The following PCDHA12 variants were observed in gnomAD, a reference collection of about 807,000 sequenced individuals.
PCDHA12 encodes the protein protocadherin alpha 12.
Under a neutral mutation model 60.0 loss-of-function variants are expected in PCDHA12, and 44 were observed. The observed-to-expected ratio is 0.73, with a 90% confidence interval of 0.58 to 0.94. The LOEUF (loss-of-function observed/expected upper bound fraction) is 0.94. Ranked by LOEUF, PCDHA12 falls within the 40% of genes least tolerant of loss-of-function variation. The pLI, the probability that PCDHA12 is intolerant of heterozygous loss-of-function variation, is 0.00. For missense variants in PCDHA12, 1,276 were observed against 1,239.7 expected (o/e 1.03, Z -0.44); for synonymous variants, 569 against 553.0 (o/e 1.03, Z -0.40).
intron 1 of PCDHA12, chr5:140,884,253 C>T (rs1356283866): frequency 6.2e-7 from 1 of 1,613,418 alleles, no homozygotes; most frequent in East Asian, 2.2e-5. Context: ...CTGACGGCCA[C>T]GGCAACGGTG....
chr5:141,004,500 T>C (rs1481568200), intron 3 of PCDHA12, among the ~76,000 whole-genome samples: 1 of 152,242 alleles, frequency 6.6e-6, no homozygotes, highest in Non-Finnish European at 1.5e-5. Context: ...GCAGTCCTGC[T>C]GTGAGGGGCT....
At chr5:140,967,790 C>T in intron 1 of PCDHA12, 1 of 1,614,188 alleles carries the variant, frequency 6.2e-7, no homozygotes, top group Non-Finnish European at 8.5e-7. Flanking sequence ...TGACCGGGGT[C>T]CAGTGCCCAT....
chr5:140,911,420 C>T (rs1411930717), intron 1 of PCDHA12, among the ~76,000 whole-genome samples: 1 of 152,134 alleles, frequency 6.6e-6, no homozygotes, highest in Non-Finnish European at 1.5e-5. Context: ...ATGATAAGAA[C>T]TTGTGTCCAA....
chr5:140,941,820 C>T (rs2093176252), intron 1 of PCDHA12, among the ~76,000 whole-genome samples: 1 of 152,160 alleles, frequency 6.6e-6, no homozygotes, highest in Non-Finnish European at 1.5e-5. Flanking sequence ...AGGATGACTG[C>T]TGTAAATAAT....
intron 1 of PCDHA12, among the ~76,000 whole-genome samples, chr5:140,947,415 G>C (rs116670354): frequency 0.021 from 3,167 of 151,674 alleles, 64 homozygotes; most frequent in Admixed American, 0.045. Flanking sequence ...TGATATTGTA[G>C]CTTTATAAAT....
chr5:140,903,334 G>A (rs1451948444), intron 1 of PCDHA12, among the ~76,000 whole-genome samples: 2 of 152,132 alleles, frequency 1.3e-5, no homozygotes, highest in Non-Finnish European at 2.9e-5. Context: ...TTGAGGAAAG[G>A]ATGCATTTTA....
intron 1 of PCDHA12, among the ~76,000 whole-genome samples, chr5:140,950,908 T>G (rs1259421351): frequency 6.6e-6 from 1 of 152,072 alleles, no homozygotes; most frequent in Non-Finnish European, 1.5e-5. Flanking sequence ...TTTATTTTTA[T>G]TTTATTTCAG....
intron 1 of PCDHA12, among the ~76,000 whole-genome samples, chr5:140,920,775 T>G (rs1007654952): frequency 5.4e-5 from 8 of 147,470 alleles, no homozygotes; most frequent in African/African-American, 1.8e-4. Context: ...ACCTGGGAGG[T>G]GGAGGTTGCA....
intron 1 of PCDHA12, among the ~76,000 whole-genome samples, chr5:140,885,376 G>T (rs1242393742): frequency 6.6e-6 from 1 of 152,032 alleles, no homozygotes; most frequent in Non-Finnish European, 1.5e-5. Context: ...AGTACCTTTT[G>T]GCAGTCCCTG....
At chr5:140,969,908 T>C (rs1586401643) in intron 1 of PCDHA12, among the ~76,000 whole-genome samples, 4 of 152,184 alleles carry the variant, frequency 2.6e-5, no homozygotes, top group Non-Finnish European at 4.4e-5. Context: ...ATGTCACAAG[T>C]GATAAAGCTG....
chr5:140,883,672 T>C (rs782302494), intron 1 of PCDHA12: 2 of 1,613,366 alleles, frequency 1.2e-6, no homozygotes, highest in Non-Finnish European at 1.7e-6. Context: ...AGGAAAACAA[T>C]CCGCCGGGCT....
chr5:140,980,963 A>T (rs1047334103), intron 2 of PCDHA12, among the ~76,000 whole-genome samples: 8 of 152,224 alleles, frequency 5.3e-5, no homozygotes, highest in African/African-American at 1.9e-4. Context: ...TTACACCTTC[A>T]TGAATCTGAC....
chr5:140,875,826 T>C lies in PCDHA12; in HGVS notation c.354T>C (p.His118=), dbSNP rs367888868. ...TGGACAGGCCGCTGCAGGTTTTCCA[T>C]GTGGACGTGGAGGTGAAGGACATTA... is the stretch of plus-strand genomic sequence containing the variant. ...VIVDRPLQVF[H]VDVEVKDIND... Residue 118 remains histidine (H), a synonymous_variant, in exon 1 of 4, where the codon CAT becomes CAC. Coordinates refer to ENST00000398631, the MANE Select transcript of PCDHA12 (RefSeq NM_018903.4). 25 of 1,614,126 alleles carry C rather than the reference T, an allele frequency of 1.5e-5. No homozygotes were observed. In the African/African-American group the frequency reaches 2.3e-4, roughly 15 times the overall value.
At chr5:140,934,729 T>G (rs2090016432) in intron 1 of PCDHA12, among the ~76,000 whole-genome samples, 1 of 152,164 alleles carries the variant, frequency 6.6e-6, no homozygotes, top group Non-Finnish European at 1.5e-5. Context: ...CAAGGCCTTT[T>G]TTAGGTGTCA....
intron 3 of PCDHA12, among the ~76,000 whole-genome samples, chr5:140,994,044 G>C (rs782758789): frequency 9.9e-5 from 15 of 152,240 alleles, no homozygotes; most frequent in Middle Eastern, 3.4e-3. Flanking sequence ...ATATAACACA[G>C]TCCTGCCCTT....
chr5:140,894,821 C>A (rs1303468240), intron 1 of PCDHA12, among the ~76,000 whole-genome samples: 1 of 151,806 alleles, frequency 6.6e-6, no homozygotes, highest in African/African-American at 2.4e-5. Flanking sequence ...TCAGATTTGC[C>A]CATAATCCTT....
Position 140,966,485 on chromosome 5 carries a change from C to G in PCDHA12, c.2368-12464C>G, listed in dbSNP as rs564574047. 5.5e-4 allele frequency: 237 copies of G among 432,246 alleles called. 1 individual carries two copies. The highest frequency in any genetic ancestry group is 4.6e-3 in the African/African-American group (223 of 48,858). 26.8% of individuals were successfully genotyped at this position (432,246 alleles called of 1,614,324 possible). A position where few individuals can be genotyped will look rare whatever the true frequency, so the allele number is the denominator to read the frequency against. Reference sequence around the variant, plus strand: ...TCTTCCCTTCTGTTTCCTTTTCCCTCCCCCTGGAGCTGTAGCGGCAGCAGC... The same window carrying G: ...TCTTCCCTTCTGTTTCCTTTTCCCTGCCCCTGGAGCTGTAGCGGCAGCAGC... On this transcript the variant is annotated intron_variant, in intron 1 of 3. Transcript: ENST00000398631.
chr5:140,902,142 A>T (rs2069127125), intron 1 of PCDHA12, among the ~76,000 whole-genome samples: 1 of 151,120 alleles, frequency 6.6e-6, no homozygotes, highest in African/African-American at 2.4e-5. Flanking sequence ...GCAAACAAGG[A>T]TAATTTGATT....
chr5:140,945,801 C>T (rs1371269109), intron 1 of PCDHA12, among the ~76,000 whole-genome samples: 2 of 152,026 alleles, frequency 1.3e-5, no homozygotes, highest in East Asian at 3.9e-4. Context: ...GAAACTAGAC[C>T]CTTATCTCAC....
Sources: gnomAD v4.1 joint callset for allele counts (sites outside exome capture counted in the v4.1 genomes callset) on GRCh38, gnomAD v4.1.1 for gene constraint, MANE v1.5 for transcripts, NCBI Gene and HGNC (gene_info 2026-07-23, HGNC 2026-07-21) for gene names.